Variants in ZNF345 observed in about 807,000 individuals in gnomAD.
ZNF345 encodes zinc finger protein 345.
For synonymous variants in ZNF345, 166 were observed against 187.9 expected (o/e 0.88, Z 0.95); for missense variants, 527 against 589.9 (o/e 0.89, Z 1.10).
At chr19:36,892,172 T>G (rs756191469) in intron 3 of ZNF345, 6 of 1,614,068 alleles carry the variant, frequency 3.7e-6, no homozygotes. Flanking sequence ...TTTTTACCAG[T>G]GTGAATCCTC....
At chr19:36,868,290 C>A (rs1473869828) in intron 2 of ZNF345, among the ~76,000 whole-genome samples, 1 of 152,104 alleles carries the variant, frequency 6.6e-6, no homozygotes, top group Non-Finnish European at 1.5e-5. Flanking sequence ...GCGTGAGCCA[C>A]CGCGCCCGGC....
intron 2 of ZNF345, among the ~76,000 whole-genome samples, chr19:36,853,691 A>G (rs2072339823): frequency 6.6e-6 from 1 of 152,152 alleles, no homozygotes; most frequent in Admixed American, 6.6e-5. Context: ...CTGCACTGAT[A>G]TGCAGTGCCA....
At chr19:36,863,231 T>C (rs1263641292) in intron 2 of ZNF345, among the ~76,000 whole-genome samples, 1 of 152,192 alleles carries the variant, frequency 6.6e-6, no homozygotes, top group Non-Finnish European at 1.5e-5. Context: ...TATAGGTCTA[T>C]AATGAGGATT....
intron 2 of ZNF345, among the ~76,000 whole-genome samples, chr19:36,864,817 C>T (rs2072625187): frequency 6.6e-6 from 1 of 152,096 alleles, no homozygotes; most frequent in South Asian, 2.1e-4. Flanking sequence ...GTTATACGTG[C>T]AGGGTTGGCA....
intron 3 of ZNF345, among the ~76,000 whole-genome samples, chr19:36,887,203 C>T (rs921242834): frequency 7.9e-5 from 12 of 151,662 alleles, no homozygotes; most frequent in Non-Finnish European, 1.8e-4. Context: ...CCACCAACAA[C>T]AACAAAAAAA....
intron 2 of ZNF345, chr19:36,858,363 T>TA (rs11427046): frequency 1 from 152,655 of 152,656 alleles, 76,327 homozygotes; most frequent in Non-Finnish European, 1. Flanking sequence ...CAGATGACTC[T>TA]ATGCACTGCC....
chr19:36,854,004 T>C (rs1189001151), intron 2 of ZNF345, among the ~76,000 whole-genome samples: 2 of 152,172 alleles, frequency 1.3e-5, no homozygotes, highest in Non-Finnish European at 2.9e-5. Context: ...CTACACTTGA[T>C]CTGAGCCAAA....
At chr19:36,853,420 G>A (rs1391096288) in intron 2 of ZNF345, among the ~76,000 whole-genome samples, 2 of 151,806 alleles carry the variant, frequency 1.3e-5, no homozygotes, top group African/African-American at 2.4e-5. Context: ...GGCTAATTTT[G>A]TATTTTTAGT....
chr19:36,886,574 G>T (rs780193784), intron 3 of ZNF345, among the ~76,000 whole-genome samples: 1 of 152,194 alleles, frequency 6.6e-6, no homozygotes, highest in Non-Finnish European at 1.5e-5. Context: ...GGCCAGGCCC[G>T]CTGGCTCATG....
At chr19:36,881,704 CTAAAG>C (rs1432585127), downstream of ZNF345, among the ~76,000 whole-genome samples, 1 of 151,984 alleles carries the variant, frequency 6.6e-6, no homozygotes, top group East Asian at 1.9e-4. Context: ...TAAAAACAGA[CTAAAG>C]TAACATGAAA....
Position 36,877,456 on chromosome 19 carries a change from A to G in ZNF345, c.626A>G (p.Lys209Arg). ...CCTTATGAATGTATAGATTGTGGTA[A>G]AGCCTTTGGCAGTGGTTCAAACCTT... ...EKPYECIDCG[K>R]AFGSGSNLTQ... is the part of the protein sequence containing the mutation. The change falls in exon 3 of 3, where the codon AAA (lysine) becomes AGA (arginine). Residue 209 changes from lysine to arginine, a missense_variant. Lys to Arg is a conservative substitution (Grantham distance 26). Coordinates refer to ENST00000420450, the MANE Select transcript of ZNF345 (RefSeq NM_001242472.2). The G allele has an allele frequency of 2.5e-6, 4 of 1,614,168 alleles. No individual in the cohort carries two copies. The highest frequency in any genetic ancestry group is 3.4e-6 in the Non-Finnish European group (4 of 1,180,030).
intron 3 of ZNF345, chr19:36,888,216 GAAATT>G (rs2073015456): frequency 2.0e-5 from 3 of 151,766 alleles, no homozygotes; most frequent in Admixed American, 2.0e-4. Flanking sequence ...AAATAGAAAT[GAAATT>G]ATAAATTGTG....
chr19:36,886,560 A>G (rs1169580202), intron 3 of ZNF345, among the ~76,000 whole-genome samples: 1 of 152,222 alleles, frequency 6.6e-6, no homozygotes, highest in Non-Finnish European at 1.5e-5. Flanking sequence ...AAAATGAGGA[A>G]GAGGGCCAGG....
At position 36,877,199 on chromosome 19, in the gene ZNF345, T is replaced by C; in HGVS notation, c.369T>C (p.Cys123=). The change falls in exon 3 of 3, where the codon TGT becomes TGC. Residue 123 remains cysteine, a synonymous_variant. Coordinates refer to ENST00000420450, the MANE Select transcript of ZNF345 (RefSeq NM_001242472.2). ...AGAAGCCTTTTGAATGTAAAGAATG[T>C]GGGAAGGCCTTTGGTAGTGGCTCAA... ...TGEKPFECKE[C]GKAFGSGSNL... 1 of 1,614,040 alleles carries C rather than the reference T, an allele frequency of 6.2e-7. No individual in the cohort carries two copies. The highest frequency in any genetic ancestry group is 1.6e-4 in the Middle Eastern group (1 of 6,062).
At chr19:36,863,335 A>G (rs934207665) in intron 2 of ZNF345, among the ~76,000 whole-genome samples, 3 of 152,182 alleles carry the variant, frequency 2.0e-5, no homozygotes, top group African/African-American at 7.2e-5. Flanking sequence ...TCTTAAAGAG[A>G]ATGAGCATGC....
At chr19:36,864,389 C>T (rs1164955421) in intron 2 of ZNF345, among the ~76,000 whole-genome samples, 3 of 151,872 alleles carry the variant, frequency 2.0e-5, no homozygotes, top group Admixed American at 6.6e-5. Flanking sequence ...GGTGCATGTG[C>T]CTGTATTCCT....
At chr19:36,886,584 G>T (rs1038259336) in intron 3 of ZNF345, among the ~76,000 whole-genome samples, 2 of 152,200 alleles carry the variant, frequency 1.3e-5, no homozygotes, top group Non-Finnish European at 2.9e-5. Flanking sequence ...GCTGGCTCAT[G>T]CCTATAATCC....
At chr19:36,857,114 T>A (rs2072435861) in intron 2 of ZNF345, among the ~76,000 whole-genome samples, 1 of 152,140 alleles carries the variant, frequency 6.6e-6, no homozygotes, top group Admixed American at 6.5e-5. Flanking sequence ...ACATTTATCT[T>A]TATCACGAAT....
chr19:36,865,546 C>T (rs909033074), intron 2 of ZNF345, among the ~76,000 whole-genome samples: 3 of 152,104 alleles, frequency 2.0e-5, no homozygotes, highest in Non-Finnish European at 4.4e-5. Context: ...CTGCAACCTC[C>T]ACCTCCCAGG....
Sources: allele counts gnomAD v4.1 joint callset (sites outside exome capture counted in the v4.1 genomes callset), GRCh38; gene constraint gnomAD v4.1.1; transcripts MANE v1.5; gene names NCBI Gene and HGNC (gene_info 2026-07-23, HGNC 2026-07-21).